The following DNAH6 variants were observed in gnomAD, a reference collection of about 807,000 sequenced individuals.
The protein encoded by DNAH6 is axonemal beta dynein heavy chain 6.
A neutral mutation model predicts 491.4 loss-of-function variants in DNAH6; 340 were observed. The ratio of observed to expected loss-of-function variants is 0.69; its 90% CI spans 0.63 to 0.76. The LOEUF is 0.76. DNAH6 is among the 30% of genes least tolerant of loss of function. The pLI is 0.00. For synonymous variants in DNAH6, 1,603 were observed against 1,686.1 expected (o/e 0.95, Z 1.21); for missense variants, 4,443 against 4,972.2 (o/e 0.89, Z 3.20).
the DNAH6 span, among the ~76,000 whole-genome samples, chr2:84,493,777 G>T: frequency 6.6e-6 from 1 of 152,160 alleles, no homozygotes; most frequent in Non-Finnish European, 1.5e-5. Context: ...GGACATCCTT[G>T]GTAGACACAA....
chr2:84,682,158 A>G (rs989322069), intron 42 of DNAH6, among the ~76,000 whole-genome samples: 27 of 152,272 alleles, frequency 1.8e-4, no homozygotes, highest in African/African-American at 5.8e-4. Flanking sequence ...AAGTTGTGAT[A>G]CCCAACACTG....
Position 84,564,737 on chromosome 2 carries a change from T to G in DNAH6, c.1803+6802T>G, listed in dbSNP as rs532528769. ...CTTCCAGTACTATGTTGAATAAGAGTGGTAAGGGTGAGCATCCTTGTCTCA... is the reference window on the plus strand; with the variant it reads ...CTTCCAGTACTATGTTGAATAAGAGGGGTAAGGGTGAGCATCCTTGTCTCA... On this transcript the variant is annotated intron_variant, in intron 11 of 76. Coordinates refer to ENST00000389394, the MANE Select transcript of DNAH6 (RefSeq NM_001370.2). Among the ~76,000 whole-genome samples, 7 of 152,092 alleles carry G rather than the reference T, an allele frequency of 4.6e-5. No individual in the cohort carries two copies. In the East Asian group the frequency reaches 1.2e-3, roughly 25 times the overall value.
intron 64 of DNAH6, among the ~76,000 whole-genome samples, chr2:84,769,509 T>C (rs995892040): frequency 2.0e-5 from 3 of 152,216 alleles, no homozygotes; most frequent in African/African-American, 7.2e-5. Flanking sequence ...TTTGTGGCAT[T>C]TTAACTTACC....
chr2:84,547,215 C>CTT, intron 5 of DNAH6, 53 bp from the exon 6 acceptor site: 1 of 1,415,746 alleles, frequency 7.1e-7, no homozygotes, highest in South Asian at 1.4e-5. Flanking sequence ...ATGTTCTATA[C>CTT]TTTTAAAATA....
At chr2:84,710,117 A>T (rs1360943434) in intron 55 of DNAH6, among the ~76,000 whole-genome samples, 170 bp from the exon 56 acceptor site, 2 of 152,188 alleles carry the variant, frequency 1.3e-5, no homozygotes, top group African/African-American at 4.8e-5. Context: ...AGTCCCAAAC[A>T]TTGGGCTTAA....
intron 24 of DNAH6, among the ~76,000 whole-genome samples, chr2:84,620,295 A>AATG (rs555411477): frequency 1.9e-3 from 296 of 152,268 alleles, no homozygotes; most frequent in Non-Finnish European, 3.2e-3. Context: ...TGATTAATGG[A>AATG]ATGATGAGCT....
intron 2 of DNAH6, among the ~76,000 whole-genome samples, chr2:84,521,754 G>C (rs1676165176): frequency 6.6e-6 from 1 of 152,018 alleles, no homozygotes; most frequent in African/African-American, 2.4e-5. Context: ...GCTTGTTTTT[G>C]TCAGCTTTGT....
At position 84,529,312 on chromosome 2, in the gene DNAH6, A is replaced by G. The variant is rs542196712; in HGVS notation, c.662+146A>G. ...TGATAAATGAATCCTAATCACAACAATTTTGTATTTTTTCATTTATCTTCC... is the reference window on the plus strand; with the variant it reads ...TGATAAATGAATCCTAATCACAACAGTTTTGTATTTTTTCATTTATCTTCC... On this transcript the variant is annotated intron_variant, in intron 4 of 76. Transcript: ENST00000389394. The G allele has an allele frequency of 5.2e-5, 35 of 672,518 alleles. No homozygotes were observed. The South Asian group carries it at 8.4e-4, about 16-fold the overall frequency. The allele number at this position is 672,518 out of a possible 1,614,324, so 41.7% of individuals were successfully genotyped here. A position where few individuals can be genotyped will look rare whatever the true frequency, so the allele number is the denominator to read the frequency against.
At chr2:84,538,195 T>A (rs1454094497) in intron 4 of DNAH6, among the ~76,000 whole-genome samples, 1 of 152,108 alleles carries the variant, frequency 6.6e-6, no homozygotes. Context: ...TACTCCTGCA[T>A]TTGTGTCACA....
chr2:84,784,633 C>T, intron 65 of DNAH6, 89 bp from the exon 66 acceptor site: 8 of 785,306 alleles, frequency 1.0e-5, no homozygotes, highest in Admixed American at 7.6e-5. Context: ...GCATTTTTTC[C>T]TTCTCTAGAA....
chr2:84,490,100 A>G, the DNAH6 span, among the ~76,000 whole-genome samples: 1 of 152,128 alleles, frequency 6.6e-6, no homozygotes. Context: ...TTTTTTTAAT[A>G]CTTGGACTTT....
the DNAH6 span, among the ~76,000 whole-genome samples, chr2:84,463,555 G>T: frequency 1.3e-5 from 2 of 152,104 alleles, no homozygotes; most frequent in Non-Finnish European, 2.9e-5. Context: ...CTTCCAGAGC[G>T]TTTTTTGTGT....
At chr2:84,768,344 G>A (rs1306136191) in intron 64 of DNAH6, among the ~76,000 whole-genome samples, 1 of 151,674 alleles carries the variant, frequency 6.6e-6, no homozygotes, top group East Asian at 1.9e-4. Context: ...TGCTGAAACT[G>A]ATTAAATAGA....
intron 18 of DNAH6, among the ~76,000 whole-genome samples, chr2:84,599,393 C>A (rs1685006056): frequency 6.6e-6 from 1 of 151,562 alleles, no homozygotes; most frequent in East Asian, 1.9e-4. Flanking sequence ...TATCCAAACA[C>A]TTTTTTTTCA....
chr2:84,503,631 C>G, the DNAH6 span, among the ~76,000 whole-genome samples: 1 of 150,976 alleles, frequency 6.6e-6, no homozygotes, highest in Non-Finnish European at 1.5e-5. Flanking sequence ...CTTTATTTCT[C>G]TTTCGTGTTT....
In DNAH6 at chr2:84,658,425, G is replaced by C. The variant is rs775426128; in HGVS notation, c.5891G>C (p.Cys1964Ser). 6.5e-7 allele frequency: 1 copy of C among 1,543,194 alleles called. No individual in the cohort carries two copies. Among genetic ancestry groups the C allele is most frequent in the Admixed American group, 2.0e-5 (1 of 49,850 alleles). Residue 1964 changes from cysteine to serine, a missense_variant, in exon 36 of 77, where the codon TGC becomes TCC. Coordinates refer to ENST00000389394, the MANE Select transcript of DNAH6 (RefSeq NM_001370.2). ...ATCAGCAAAGTTACTACACTCTGTTGCTTATTGGAGTCCTTGATACTTGGG... is the reference window on the plus strand; with the variant it reads ...ATCAGCAAAGTTACTACACTCTGTTCCTTATTGGAGTCCTTGATACTTGGG... The part of the protein sequence containing the change: ...VDISKVTTLC[C>S]LLESLILGKD...
intron 29 of DNAH6, among the ~76,000 whole-genome samples, chr2:84,633,264 C>T (rs1241443437): frequency 6.6e-6 from 1 of 152,126 alleles, no homozygotes; most frequent in African/African-American, 2.4e-5. Context: ...CTCTGCTTTC[C>T]TTATCTCCCA....
chr2:84,648,712 T>C (rs1055276269), intron 33 of DNAH6, among the ~76,000 whole-genome samples: 3 of 152,210 alleles, frequency 2.0e-5, no homozygotes, highest in East Asian at 1.9e-4. Context: ...TTGCTTCTTA[T>C]GGATTAGCAA....
chr2:84,710,965 C>T (rs569390014), intron 56 of DNAH6, among the ~76,000 whole-genome samples: 1 of 152,118 alleles, frequency 6.6e-6, no homozygotes, highest in South Asian at 2.1e-4. Flanking sequence ...TAAAATTGTT[C>T]CCTCATTCAA....
Sources: allele counts gnomAD v4.1 joint callset (sites outside exome capture counted in the v4.1 genomes callset), GRCh38; gene constraint gnomAD v4.1.1; transcripts MANE v1.5; gene names NCBI Gene and HGNC (gene_info 2026-07-23, HGNC 2026-07-21).